The following APP variants were observed in gnomAD, a reference collection of about 807,000 sequenced individuals.
The protein encoded by APP is amyloid-beta precursor protein.
In APP, 31 loss-of-function variants were observed where a neutral mutation model predicts 101.4. The ratio of observed to expected loss-of-function variants is 0.31; its 90% CI spans 0.23 to 0.41. APP has a LOEUF of 0.41. Ranked by LOEUF, APP falls within the 10% of genes least tolerant of loss-of-function variation. APP has a pLI of 1.00. For synonymous variants in APP, 366 were observed against 364.4 expected (o/e 1.00, Z -0.05); for missense variants, 839 against 1,003.7 (o/e 0.84, Z 2.22).
Position 25,881,379 on chromosome 21 carries a change from G to A in APP, c.*291C>T, listed in dbSNP as rs1358714854. 6.4e-6 allele frequency: 3 copies of A among 468,002 alleles called. No homozygotes were observed. Among genetic ancestry groups the A allele is most frequent in the Non-Finnish European group, 1.2e-5 (3 of 254,904 alleles). The allele number at this position is 468,002 out of a possible 1,614,324, so 29.0% of individuals were successfully genotyped here. A position where few individuals can be genotyped will look rare whatever the true frequency, so the allele number is the denominator to read the frequency against. ...GGGGCTATGTGATAAATAATCAGGA[G>A]AGAATCTATTCATGCACTAGTTTGA... is the stretch of plus-strand genomic sequence containing the variant. On this transcript the variant is annotated 3_prime_UTR_variant, in exon 18 of 18. Coordinates refer to ENST00000346798, the MANE Select transcript of APP (RefSeq NM_000484.4).
chr21:25,882,996 G>A (rs373411308), intron 17 of APP, among the ~76,000 whole-genome samples: 1 of 152,104 alleles, frequency 6.6e-6, no homozygotes, highest in African/African-American at 2.4e-5. Flanking sequence ...TGAAGCCAAG[G>A]AAGAAAAAGT....
intron 1 of APP, among the ~76,000 whole-genome samples, chr21:26,147,340 A>C (rs146855624): frequency 4.6e-4 from 70 of 152,310 alleles, no homozygotes; most frequent in African/African-American, 1.6e-3. Flanking sequence ...GATAGCATAT[A>C]ATGTTAAAGA....
chr21:25,895,501 T>G (rs1454675544), intron 16 of APP, among the ~76,000 whole-genome samples: 1 of 152,154 alleles, frequency 6.6e-6, no homozygotes, highest in Non-Finnish European at 1.5e-5. Flanking sequence ...CCAAAAAATT[T>G]GTGTGACATT....
chr21:25,969,121 C>A (rs901089966), intron 11 of APP, among the ~76,000 whole-genome samples: 1 of 151,346 alleles, frequency 6.6e-6, no homozygotes, highest in African/African-American at 2.4e-5. Context: ...TGGCGGATCA[C>A]GAGGTCAGGA....
At chr21:25,977,433 T>C (rs1298131497) in intron 9 of APP, among the ~76,000 whole-genome samples, 1 of 152,194 alleles carries the variant, frequency 6.6e-6, no homozygotes, top group Non-Finnish European at 1.5e-5. Context: ...TAAGAGCCTG[T>C]TTTTTGTAGG....
intron 13 of APP, among the ~76,000 whole-genome samples, chr21:25,933,398 C>T (rs2029965351): frequency 6.6e-6 from 1 of 152,174 alleles, no homozygotes; most frequent in Non-Finnish European, 1.5e-5. Flanking sequence ...CCATCGTGCC[C>T]AGCCTGTCTT....
intron 3 of APP, among the ~76,000 whole-genome samples, chr21:26,064,678 C>G (rs781670929): frequency 5.9e-5 from 9 of 152,142 alleles, no homozygotes; most frequent in Admixed American, 5.9e-4. Context: ...ACACCCTCCC[C>G]CTAACAATCT....
At chr21:25,882,790 A>G (rs558265612) in intron 17 of APP, among the ~76,000 whole-genome samples, 1 of 152,200 alleles carries the variant, frequency 6.6e-6, no homozygotes, top group South Asian at 2.1e-4. Context: ...TTTCCAGAGA[A>G]AAGTTTGGAT....
intron 2 of APP, among the ~76,000 whole-genome samples, chr21:26,093,872 T>C (rs2061881134): frequency 6.6e-6 from 1 of 152,046 alleles, no homozygotes; most frequent in Admixed American, 6.6e-5. Context: ...TCCCAGCACT[T>C]TGGGAGGCCG....
chr21:26,112,476 T>C (rs1243836363), intron 1 of APP, among the ~76,000 whole-genome samples: 1 of 152,226 alleles, frequency 6.6e-6, no homozygotes, highest in Non-Finnish European at 1.5e-5. Flanking sequence ...CACGTTTTCC[T>C]ATAATAAATA....
intron 11 of APP, among the ~76,000 whole-genome samples, chr21:25,962,883 A>G (rs8128058): frequency 0.13 from 19,667 of 152,036 alleles, 3,368 homozygotes; most frequent in African/African-American, 0.39. Context: ...CTCCACCTCA[A>G]CTCACTGCAA....
At chr21:26,099,602 C>T (rs1291668399) in intron 2 of APP, among the ~76,000 whole-genome samples, 2 of 152,176 alleles carry the variant, frequency 1.3e-5, no homozygotes, top group Admixed American at 6.5e-5. Flanking sequence ...ACTTCTGTTT[C>T]TGGATTTCAA....
chr21:26,156,755 C>T (rs1251019757), intron 1 of APP, among the ~76,000 whole-genome samples: 1 of 151,962 alleles, frequency 6.6e-6, no homozygotes, highest in Non-Finnish European at 1.5e-5. Context: ...ATAATACAAA[C>T]TATATGACTA....
intron 2 of APP, among the ~76,000 whole-genome samples, chr21:26,102,889 CAAAAAAAAAAAA>C (rs3084283): frequency 3.2e-5 from 2 of 63,106 alleles, no homozygotes; most frequent in Admixed American, 2.1e-4. Context: ...GACTCTGTCT[CAAAAAAAAAAAA>C]AAAAAAAAAA....
chr21:26,000,001 A>T lies in APP; in HGVS notation c.1033+14T>A, dbSNP rs755833890. ...AGACGAAAGGTGGCCAGGCTCGAAG[A>T]AGGGTCCACTTACTGGCGCTGCCAC... is the stretch of plus-strand genomic sequence containing the variant. On this transcript the variant is annotated intron_variant, in intron 7 of 17. Coordinates refer to ENST00000346798, the MANE Select transcript of APP (RefSeq NM_000484.4). 6.2e-7 allele frequency: 1 copy of T among 1,613,806 alleles called. No individual in the cohort carries two copies. The highest frequency in any genetic ancestry group is 8.5e-7 in the Non-Finnish European group (1 of 1,179,830).
intron 8 of APP, among the ~76,000 whole-genome samples, chr21:25,986,296 G>C (rs753014169): frequency 2.4e-4 from 36 of 152,210 alleles, no homozygotes; most frequent in Non-Finnish European, 4.3e-4. Context: ...TAACCACTTA[G>C]AAAGTGGAAA....
In APP at chr21:26,000,197, T is replaced by C. The variant is rs1466272720; in HGVS notation, c.866-15A>G. The C allele has an allele frequency of 1.2e-6, 2 of 1,614,134 alleles. No homozygotes were observed. The highest frequency in any genetic ancestry group is 2.7e-5 in the African/African-American group (2 of 75,072). ...AGAGCACACCTCTAATCAGAGGAGATGTGGGGAACCACATTTAGCATGAAA... is the reference window on the plus strand; with the variant it reads ...AGAGCACACCTCTAATCAGAGGAGACGTGGGGAACCACATTTAGCATGAAA... On this transcript the variant is annotated splice_polypyrimidine_tract_variant and intron_variant, in intron 6 of 17. Coordinates refer to ENST00000346798, the MANE Select transcript of APP (RefSeq NM_000484.4).
intron 11 of APP, among the ~76,000 whole-genome samples, chr21:25,968,483 T>A (rs1328951477): frequency 6.6e-6 from 1 of 152,128 alleles, no homozygotes; most frequent in African/African-American, 2.4e-5. Context: ...TTTAAATACA[T>A]GTGCCTATAT....
chr21:26,075,832 C>G (rs755694272), intron 3 of APP, among the ~76,000 whole-genome samples: 1 of 152,160 alleles, frequency 6.6e-6, no homozygotes, highest in East Asian at 1.9e-4. Context: ...ATTATTATTT[C>G]TCAAGGCTAC....
Sources: gnomAD v4.1 joint callset for allele counts (sites outside exome capture counted in the v4.1 genomes callset) on GRCh38, gnomAD v4.1.1 for gene constraint, MANE v1.5 for transcripts, NCBI Gene and HGNC (gene_info 2026-07-23, HGNC 2026-07-21) for gene names.